Variants in PAXBP1 observed in about 807,000 individuals in gnomAD.
The protein encoded by PAXBP1 is PAX3 and PAX7 binding protein 1.
A neutral mutation model predicts 119.9 loss-of-function variants in PAXBP1; 44 were observed. That is an observed-to-expected ratio of 0.37 (90% CI 0.29 to 0.47). The LOEUF (loss-of-function observed/expected upper bound fraction) is 0.47. PAXBP1 is among the 20% of genes least tolerant of loss of function. The pLI is 0.99. For synonymous variants in PAXBP1, 393 were observed against 406.6 expected, an observed-to-expected ratio of 0.97 and a Z score of 0.40; for missense variants, 898 against 1,134.1, an observed-to-expected ratio of 0.79 and a Z score of 2.99.
intron 15 of PAXBP1, chr21:32,741,693 G>T (rs2043788001): frequency 8.2e-6 from 5 of 612,538 alleles, no homozygotes; most frequent in South Asian, 7.7e-5. Context: ...GCAAAATTAA[G>T]AGTAATATAT....
chr21:32,745,743 C>A, intron 11 of PAXBP1, 25 bp from the exon 12 acceptor site: 1 of 1,612,512 alleles, frequency 6.2e-7, no homozygotes, highest in South Asian at 1.1e-5. Flanking sequence ...AAAGGTTACC[C>A]AAATACTAAA....
In PAXBP1 at chr21:32,759,580, T is replaced by A. The variant is rs2044103692; in HGVS notation, c.1193+197A>T. ...AACAAGATCATGGAGTGGCATTTTT[T>A]ATAATTTTTCGAGGCTTCCACAGAA... On this transcript the variant is annotated intron_variant, in intron 6 of 17. Transcript: ENST00000331923. 9.7e-6 allele frequency: 6 copies of A among 621,582 alleles called. No individual in the cohort carries two copies. In the South Asian group the frequency reaches 1.2e-4, roughly 13 times the overall value. 38.5% of individuals were successfully genotyped at this position (621,582 alleles called of 1,614,324 possible).
chr21:32,745,492 T>C (rs983237054), intron 12 of PAXBP1, 82 bp downstream of exon 12: 1 of 1,542,482 alleles, frequency 6.5e-7, no homozygotes, highest in Non-Finnish European at 8.9e-7. Context: ...TAAGGAAACA[T>C]GCTCTGAATT....
At chr21:32,766,446 C>A (rs1187889453) in intron 2 of PAXBP1, among the ~76,000 whole-genome samples, 5 of 152,162 alleles carry the variant, frequency 3.3e-5, no homozygotes, top group African/African-American at 7.2e-5. Context: ...GAAACCTGCT[C>A]ACAATTATTA....
At chr21:32,753,285 C>T (rs960518126) in intron 8 of PAXBP1, among the ~76,000 whole-genome samples, 1 of 151,774 alleles carries the variant, frequency 6.6e-6, no homozygotes, top group Non-Finnish European at 1.5e-5. Context: ...GGTGAAACCC[C>T]GTCTCTACTA....
At chr21:32,745,773 C>A in intron 11 of PAXBP1, 55 bp from the exon 12 acceptor site, 1 of 1,596,090 alleles carries the variant, frequency 6.3e-7, no homozygotes. Context: ...ATTTCTGCTT[C>A]CAGCTATGAT....
intron 7 of PAXBP1, chr21:32,756,702 G>C (rs1405317005): frequency 4.6e-6 from 1 of 217,246 alleles, no homozygotes; most frequent in African/African-American, 2.4e-5. Flanking sequence ...AGATAAATGA[G>C]CCTGAGGCAT....
chr21:32,747,699 T>C (rs2043895069), intron 11 of PAXBP1, among the ~76,000 whole-genome samples: 2 of 152,116 alleles, frequency 1.3e-5, no homozygotes, highest in Admixed American at 1.3e-4. Context: ...TAAAACCACA[T>C]TGTAAACATC....
chr21:32,751,356 G>T, intron 8 of PAXBP1, 138 bp from the exon 9 acceptor site: 1 of 676,422 alleles, frequency 1.5e-6, no homozygotes, highest in East Asian at 2.8e-5. Context: ...AAACCAGGTA[G>T]GTTTTTGGTT....
At chr21:32,761,958 G>T in intron 4 of PAXBP1, 138 bp downstream of exon 4, 2 of 819,886 alleles carry the variant, frequency 2.4e-6, no homozygotes, top group African/African-American at 1.7e-5. Context: ...GTGACTGTTT[G>T]AGTCCACGAG....
chr21:32,763,207 T>C (rs1313311683), intron 3 of PAXBP1, among the ~76,000 whole-genome samples: 2 of 152,228 alleles, frequency 1.3e-5, no homozygotes, highest in African/African-American at 4.8e-5. Context: ...CTTTTGAGTA[T>C]AGCAAAAATT....
Position 32,768,407 on chromosome 21 carries a change from A to T in PAXBP1, c.472+1407T>A, listed in dbSNP as rs187015311. On this transcript the variant is annotated intron_variant, in intron 2 of 17. Coordinates refer to ENST00000331923, the MANE Select transcript of PAXBP1 (RefSeq NM_016631.4). ...ACTCCAGGACAAAAGTTCAAATTTGACTCTTTCTTTTAAATCCAATATGGC... is the reference window on the plus strand; with the variant it reads ...ACTCCAGGACAAAAGTTCAAATTTGTCTCTTTCTTTTAAATCCAATATGGC... Among the ~76,000 whole-genome samples, 10 of 151,884 alleles carry T rather than the reference A, an allele frequency of 6.6e-5. No homozygotes were observed. The East Asian group carries it at 1.5e-3, about 24-fold the overall frequency.
intron 15 of PAXBP1, among the ~76,000 whole-genome samples, chr21:32,740,815 TG>T (rs2043770551): frequency 6.6e-6 from 1 of 151,034 alleles, no homozygotes; most frequent in African/African-American, 2.4e-5. Context: ...AGCCACAAAC[TG>T]AAAAAAAAAA....
intron 11 of PAXBP1, among the ~76,000 whole-genome samples, chr21:32,746,549 G>C (rs1255582103): frequency 6.6e-6 from 1 of 152,146 alleles, no homozygotes; most frequent in Non-Finnish European, 1.5e-5. Flanking sequence ...AAACCACAAT[G>C]AGATACCATC....
chr21:32,736,481 C>T (rs930203334), intron 17 of PAXBP1, among the ~76,000 whole-genome samples: 4 of 152,146 alleles, frequency 2.6e-5, no homozygotes, highest in African/African-American at 9.7e-5. Context: ...GCCACCATGC[C>T]TGGCCTAAAA....
intron 15 of PAXBP1, among the ~76,000 whole-genome samples, chr21:32,741,971 A>G (rs959215382): frequency 7.9e-5 from 12 of 152,244 alleles, no homozygotes; most frequent in African/African-American, 2.9e-4. Flanking sequence ...GCACCTACAC[A>G]GCAAGGCTGA....
intron 5 of PAXBP1, among the ~76,000 whole-genome samples, chr21:32,760,666 C>G (rs1387990878): frequency 6.6e-6 from 1 of 152,136 alleles, no homozygotes; most frequent in Non-Finnish European, 1.5e-5. Context: ...AGGGCTTGTT[C>G]AACAAAGATT....
rs951044711 is a variant in PAXBP1, at chr21:32,771,738, G to A, written c.-70C>T. 7 of 1,261,016 alleles carry A rather than the reference G, an allele frequency of 5.6e-6. No homozygotes were observed. Among genetic ancestry groups the A allele is most frequent in the East Asian group, 3.1e-5 (1 of 31,828 alleles). The allele number at this position is 1,261,016 out of a possible 1,614,324, so 78.1% of individuals were successfully genotyped here. ...GCCCCGGCAGCGCCGAGCTCGTGAC[G>A]GCGCACGCGCGCTCTCCGGAGCTCC... is the stretch of plus-strand genomic sequence containing the variant. On this transcript the variant is annotated 5_prime_UTR_variant, in exon 1 of 18. Transcript: ENST00000331923.
chr21:32,762,542 T>C (rs877563), intron 3 of PAXBP1, among the ~76,000 whole-genome samples: 70,673 of 151,868 alleles, frequency 0.47, 16,585 homozygotes, highest in African/African-American at 0.52. Context: ...TGGTAATATA[T>C]ATGGGAAAGA....
Sources: gnomAD v4.1 joint callset for allele counts (sites outside exome capture counted in the v4.1 genomes callset) on GRCh38, gnomAD v4.1.1 for gene constraint, MANE v1.5 for transcripts, NCBI Gene and HGNC (gene_info 2026-07-23, HGNC 2026-07-21) for gene names.